SLIT2: variants seen among roughly 807,000 people sequenced by gnomAD.
SLIT2 encodes slit homolog 2 protein.
In SLIT2, 41 loss-of-function variants were observed where a neutral mutation model predicts 185.7. The ratio of observed to expected loss-of-function variants is 0.22; its 90% CI spans 0.17 to 0.29. The LOEUF is 0.29. Ranked by LOEUF, SLIT2 falls within the 10% of genes least tolerant of loss-of-function variation. The pLI, the probability that SLIT2 is intolerant of heterozygous loss-of-function variation, is 1.00. For synonymous variants in SLIT2, 693 were observed against 680.2 expected (o/e 1.02, Z -0.29); for missense variants, 1,571 against 1,909.0 (o/e 0.82, Z 3.30).
Position 20,617,480 on chromosome 4 carries a change from A to C in SLIT2, c.4178A>C (p.Tyr1393Ser). The change falls in exon 36 of 37, where the codon TAC (tyrosine) becomes TCC (serine). Residue 1393 changes from tyrosine to serine, a missense_variant. Physicochemically the swap from Tyr to Ser is moderately radical, Grantham distance 144. Transcript: ENST00000504154. ...GTCLPINAFS[Y>S]SCKCLEGHGG... ...TGCTTGCCCATCAATGCGTTCTCCT[A>C]CAGCTGTAAGTGCTTGGAGGGCCAT... 6.2e-7 allele frequency: 1 copy of C among 1,614,074 alleles called. No homozygotes were observed. Among genetic ancestry groups the C allele is most frequent in the Non-Finnish European group, 8.5e-7 (1 of 1,180,012 alleles).
intron 25 of SLIT2, among the ~76,000 whole-genome samples, chr4:20,552,078 C>CT (rs1407163143): frequency 6.6e-6 from 1 of 152,178 alleles, no homozygotes; most frequent in East Asian, 1.9e-4. Context: ...GAACCTACCT[C>CT]TAAGTCACTC....
chr4:20,587,421 T>C (rs188570050), intron 29 of SLIT2, among the ~76,000 whole-genome samples: 8 of 152,320 alleles, frequency 5.3e-5, no homozygotes, highest in Admixed American at 2.6e-4. Flanking sequence ...CAGTAATGAT[T>C]ATTGCTATTT....
At chr4:20,498,167 C>T (rs1052974645) in intron 9 of SLIT2, among the ~76,000 whole-genome samples, 3 of 151,764 alleles carry the variant, frequency 2.0e-5, no homozygotes, top group East Asian at 3.9e-4. Context: ...AGCGAGGCTC[C>T]GTCTCAAAAA....
chr4:20,470,306 C>T (rs1714842303), intron 5 of SLIT2, among the ~76,000 whole-genome samples: 1 of 151,936 alleles, frequency 6.6e-6, no homozygotes, highest in Admixed American at 6.6e-5. Flanking sequence ...GTCATTTTGA[C>T]ATGAAGTTAC....
intron 34 of SLIT2, 35 bp from the exon 35 acceptor site, chr4:20,616,873 CAG>C: frequency 6.5e-7 from 1 of 1,546,734 alleles, no homozygotes; most frequent in Non-Finnish European, 8.8e-7. Context: ...CAGAAATCCC[CAG>C]AGAGCCTGAC....
intron 4 of SLIT2, among the ~76,000 whole-genome samples, chr4:20,308,983 G>A (rs181919456): frequency 7.2e-4 from 109 of 152,178 alleles, no homozygotes; most frequent in Non-Finnish European, 1.3e-3. Context: ...TCGAGAATAA[G>A]TTTAATTTTA....
chr4:20,279,591 T>C (rs765944929), intron 4 of SLIT2, among the ~76,000 whole-genome samples: 12 of 152,186 alleles, frequency 7.9e-5, no homozygotes, highest in Non-Finnish European at 1.5e-4. Flanking sequence ...ATGTGTCATC[T>C]TGGGAATATC....
intron 4 of SLIT2, among the ~76,000 whole-genome samples, chr4:20,463,334 G>T (rs1395149697): frequency 1.3e-5 from 2 of 150,880 alleles, no homozygotes; most frequent in Non-Finnish European, 3.0e-5. Context: ...AGGTGGCCTG[G>T]GTCAACCAAG....
intron 4 of SLIT2, chr4:20,392,351 T>C (rs566328161): frequency 6.6e-6 from 1 of 152,200 alleles, no homozygotes; most frequent in African/African-American, 2.4e-5. Context: ...AAGGTACACC[T>C]GTATAGGGTG....
intron 3 of SLIT2, among the ~76,000 whole-genome samples, chr4:20,259,335 G>A (rs1712193821): frequency 1.3e-5 from 2 of 151,770 alleles, no homozygotes; most frequent in Non-Finnish European, 3.0e-5. Context: ...CTTTAAGAAA[G>A]CATCAATATA....
chr4:20,319,613 T>G (rs1373125241), intron 4 of SLIT2, among the ~76,000 whole-genome samples: 1 of 152,084 alleles, frequency 6.6e-6, no homozygotes, highest in East Asian at 1.9e-4. Context: ...AGTATGGAAT[T>G]CCACAAGGGT....
intron 15 of SLIT2, among the ~76,000 whole-genome samples, chr4:20,526,537 T>C (rs939440553): frequency 4.6e-5 from 7 of 152,162 alleles, no homozygotes; most frequent in Non-Finnish European, 7.4e-5. Context: ...TGGTATCAAA[T>C]TATTCAAACT....
Position 20,550,910 on chromosome 4 carries a change from G to C in SLIT2, c.2561+12G>C, listed in dbSNP as rs750510050. ...GCATTATCACATCTGTGAGTACCTAGTTTATGAATATAGGTTTAGGGTCAA... is the reference window on the plus strand; with the variant it reads ...GCATTATCACATCTGTGAGTACCTACTTTATGAATATAGGTTTAGGGTCAA... On this transcript the variant is annotated intron_variant, in intron 25 of 36. Transcript: ENST00000504154. 5 of 1,517,162 alleles carry C rather than the reference G, an allele frequency of 3.3e-6. No individual in the cohort carries two copies. In the Admixed American group the frequency reaches 6.7e-5, roughly 20 times the overall value. The allele number at this position is 1,517,162 out of a possible 1,614,324, so 94.0% of individuals were successfully genotyped here.
rs143417693 is a variant in SLIT2, at chr4:20,617,555, C to T, written c.4253C>T (p.Ala1418Val). Reference sequence around the variant, plus strand: ...GAGGATCTGTTTAACCCATGCCAGGCGATCAAGTGCAAGCATGGGAAGTGC... The same window carrying T: ...GAGGATCTGTTTAACCCATGCCAGGTGATCAAGTGCAAGCATGGGAAGTGC... The part of the protein sequence containing the change: ...EEEDLFNPCQ[A>V]IKCKHGKCRL... The change falls in exon 36 of 37, where the codon GCG becomes GTG. Residue 1418 changes from alanine (A) to valine (V), a missense_variant. Physicochemically the swap from Ala to Val is moderately conservative, Grantham distance 64 (BLOSUM62 0). This residue lies in a region of SLIT2 where 223 missense variants were observed against 245.2 expected (regional missense o/e 0.91). Coordinates refer to ENST00000504154, the MANE Select transcript of SLIT2 (RefSeq NM_004787.4). 3.3e-3 allele frequency: 5,352 copies of T among 1,613,782 alleles called. 14 individuals are homozygous for T. Among genetic ancestry groups the T allele is most frequent in the Middle Eastern group, 0.013 (80 of 6,030 alleles).
chr4:20,533,504 C>A, intron 17 of SLIT2, 68 bp from the exon 18 acceptor site: 2 of 1,218,458 alleles, frequency 1.6e-6, no homozygotes, highest in South Asian at 1.4e-5. Flanking sequence ...AGAAAATTAT[C>A]AACTATGTTT....
intron 4 of SLIT2, among the ~76,000 whole-genome samples, chr4:20,378,968 A>G (rs1321045863): frequency 6.6e-6 from 1 of 152,168 alleles, no homozygotes; most frequent in Non-Finnish European, 1.5e-5. Context: ...CATATTAGTA[A>G]GTGAAAGAAA....
chr4:20,529,965 GTGTTAT>G (rs1186581637), intron 16 of SLIT2, among the ~76,000 whole-genome samples: 1 of 152,078 alleles, frequency 6.6e-6, no homozygotes, highest in Non-Finnish European at 1.5e-5. Context: ...CAGGGATTGT[GTGTTAT>G]TGTTTATCTC....
intron 34 of SLIT2, among the ~76,000 whole-genome samples, chr4:20,614,377 A>G (rs1455611925): frequency 6.6e-6 from 1 of 152,146 alleles, no homozygotes; most frequent in Non-Finnish European, 1.5e-5. Flanking sequence ...CTGTAGAAAT[A>G]AGGCTAAAAG....
At chr4:20,561,613 C>A (rs913238324) in intron 26 of SLIT2, among the ~76,000 whole-genome samples, 2 of 151,568 alleles carry the variant, frequency 1.3e-5, no homozygotes, top group African/African-American at 2.4e-5. Flanking sequence ...TTATTCAAAA[C>A]TGATCAGTTA....
Sources: gnomAD v4.1 joint callset for allele counts (sites outside exome capture counted in the v4.1 genomes callset) on GRCh38, gnomAD v4.1.1 for gene constraint, gnomAD v4.1.1 regional missense constraint, MANE v1.5 for transcripts, NCBI Gene and HGNC (gene_info 2026-07-23, HGNC 2026-07-21) for gene names.